LRRTM4: variants seen among roughly 807,000 people sequenced by gnomAD.
LRRTM4 encodes the protein leucine-rich repeat transmembrane neuronal protein 4.
In LRRTM4, 25 loss-of-function variants were observed where a neutral mutation model predicts 47.6. That is an observed-to-expected ratio of 0.53 (90% CI 0.38 to 0.73). LRRTM4 has a LOEUF of 0.73. LRRTM4 is among the 30% of genes least tolerant of loss of function. LRRTM4 has a pLI of 0.00. For synonymous variants in LRRTM4, 311 were observed against 269.5 expected, an observed-to-expected ratio of 1.15 and a Z score of -1.51; for missense variants, 638 against 713.4, an observed-to-expected ratio of 0.89 and a Z score of 1.20.
chr2:76,791,800 G>T (rs865986068), intron 3 of LRRTM4, among the ~76,000 whole-genome samples: 1 of 152,112 alleles, frequency 6.6e-6, no homozygotes, highest in Non-Finnish European at 1.5e-5. Context: ...TACTTATTTT[G>T]CCAACAGTAT....
intron 3 of LRRTM4, among the ~76,000 whole-genome samples, chr2:77,353,535 A>G (rs566577455): frequency 6.6e-6 from 1 of 152,256 alleles, no homozygotes; most frequent in Non-Finnish European, 1.5e-5. Flanking sequence ...ACTGTAATGA[A>G]CATCCTTGCA....
At chr2:77,318,168 C>T (rs939897443) in intron 3 of LRRTM4, among the ~76,000 whole-genome samples, 3 of 151,444 alleles carry the variant, frequency 2.0e-5, no homozygotes, top group Non-Finnish European at 4.4e-5. Flanking sequence ...CACCACGCCC[C>T]GCTAATTTTT....
rs1573495091 is a variant in LRRTM4 at position 77,497,295 on chromosome 2, G to C, written c.1551+21023C>G. ...TTATTGTTTTTCTGCTTTTTATTCT[G>C]TTGATTTCAACTGTGAATTTTATTA... On this transcript the variant is annotated intron_variant, in intron 3 of 3. Transcript: ENST00000409884. Among the ~76,000 whole-genome samples, 4 of 149,968 alleles carry C rather than the reference G, an allele frequency of 2.7e-5. 1 individual carries two copies. The highest frequency in any genetic ancestry group is 2.7e-4 in the Admixed American group (4 of 15,042).
At chr2:77,336,664 A>G (rs1369713990) in intron 3 of LRRTM4, among the ~76,000 whole-genome samples, 1 of 152,180 alleles carries the variant, frequency 6.6e-6, no homozygotes, top group East Asian at 1.9e-4. Context: ...AAAATCTAAT[A>G]TTACTTAATG....
At chr2:77,197,101 A>T (rs1274293067) in intron 3 of LRRTM4, among the ~76,000 whole-genome samples, 1 of 152,132 alleles carries the variant, frequency 6.6e-6, no homozygotes. Flanking sequence ...TTAAATTTGT[A>T]GACTCGTACA....
intron 3 of LRRTM4, among the ~76,000 whole-genome samples, chr2:77,250,771 A>G (rs1675580101): frequency 6.6e-6 from 1 of 152,148 alleles, no homozygotes; most frequent in African/African-American, 2.4e-5. Flanking sequence ...GAAAATGTTC[A>G]CAGATTGTCC....
At chr2:77,220,126 C>T (rs1346530165) in intron 3 of LRRTM4, among the ~76,000 whole-genome samples, 2 of 152,222 alleles carry the variant, frequency 1.3e-5, no homozygotes, top group Non-Finnish European at 2.9e-5. Context: ...CAAACTCCAA[C>T]AGACGTGCAG....
chr2:77,455,955 T>C (rs1397195148), intron 3 of LRRTM4, among the ~76,000 whole-genome samples: 1 of 152,176 alleles, frequency 6.6e-6, no homozygotes, highest in African/African-American at 2.4e-5. Flanking sequence ...TTTTTCCTTA[T>C]TCATTACCTG....
At chr2:76,751,716 T>C (rs753558812) in intron 3 of LRRTM4, among the ~76,000 whole-genome samples, 1 of 152,138 alleles carries the variant, frequency 6.6e-6, no homozygotes, top group Non-Finnish European at 1.5e-5. Flanking sequence ...CATAGGATTT[T>C]TCAGGGTGTC....
rs187648742 is a variant in LRRTM4, at chr2:76,796,046, G to T, written c.1552-47130C>A. Among the ~76,000 whole-genome samples the T allele has an allele frequency of 2.5e-3, 273 of 107,462 alleles. 30 individuals are homozygous for T. The highest frequency in any genetic ancestry group is 0.013 in the African/African-American group (253 of 19,872). The allele number at this position is 107,462 out of a possible 152,430, so 70.5% of individuals were successfully genotyped here. On this transcript the variant is annotated intron_variant, in intron 3 of 3. Coordinates refer to ENST00000409884, the MANE Select transcript of LRRTM4 (RefSeq NM_001134745.3). Reference sequence around the variant, plus strand: ...GAGTTCCCTTTCTGAGTCAAAGAAAGGGGTGATGTACTGCACCTGGAAAAT... The same window carrying T: ...GAGTTCCCTTTCTGAGTCAAAGAAATGGGTGATGTACTGCACCTGGAAAAT...
intron 3 of LRRTM4, among the ~76,000 whole-genome samples, chr2:77,071,972 G>T (rs1331606187): frequency 1.3e-5 from 2 of 152,090 alleles, no homozygotes; most frequent in African/African-American, 2.4e-5. Flanking sequence ...TTTTGACTTG[G>T]TAAGACTCTC....
At chr2:76,930,490 C>A (rs1674735840) in intron 3 of LRRTM4, among the ~76,000 whole-genome samples, 1 of 152,196 alleles carries the variant, frequency 6.6e-6, no homozygotes, top group African/African-American at 2.4e-5. Flanking sequence ...CCTAGAGGCA[C>A]AGAAGTAACC....
At chr2:76,977,419 G>A (rs571131574) in intron 3 of LRRTM4, among the ~76,000 whole-genome samples, 9 of 151,892 alleles carry the variant, frequency 5.9e-5, no homozygotes, top group African/African-American at 2.2e-4. Context: ...TACACAGCAT[G>A]AAAACATTTT....
At chr2:77,099,380 G>C (rs1169296209) in intron 3 of LRRTM4, among the ~76,000 whole-genome samples, 4 of 151,820 alleles carry the variant, frequency 2.6e-5, no homozygotes, top group Non-Finnish European at 5.9e-5. Flanking sequence ...AATATATTCT[G>C]ACTTTATCTT....
chr2:77,109,252 G>A (rs1671183292), intron 3 of LRRTM4, among the ~76,000 whole-genome samples: 1 of 151,926 alleles, frequency 6.6e-6, no homozygotes, highest in Non-Finnish European at 1.5e-5. Flanking sequence ...GAACTACCAG[G>A]GTAAGGAATA....
intron 3 of LRRTM4, among the ~76,000 whole-genome samples, chr2:76,965,306 A>C (rs930180170): frequency 2.0e-5 from 3 of 151,284 alleles, no homozygotes; most frequent in Non-Finnish European, 4.4e-5. Flanking sequence ...TCCTCAACAA[A>C]ATATTAGCAA....
chr2:76,927,958 G>T (rs942228497), intron 3 of LRRTM4, among the ~76,000 whole-genome samples: 1 of 152,116 alleles, frequency 6.6e-6, no homozygotes, highest in East Asian at 1.9e-4. Context: ...TGTTCTTAAA[G>T]CGCAATTACA....
intron 3 of LRRTM4, among the ~76,000 whole-genome samples, chr2:76,797,613 CA>C (rs1369981288): frequency 1.3e-5 from 2 of 150,932 alleles, no homozygotes; most frequent in African/African-American, 4.9e-5. Context: ...TCACACATAA[CA>C]ATATTAACTT....
chr2:76,848,846 G>C (rs370050806), intron 3 of LRRTM4, among the ~76,000 whole-genome samples: 55 of 152,176 alleles, frequency 3.6e-4, no homozygotes, highest in African/African-American at 1.3e-3. Flanking sequence ...GTTAATAGAT[G>C]CTTTTTATTA....
Sources: gnomAD v4.1 joint callset for allele counts (sites outside exome capture counted in the v4.1 genomes callset) on GRCh38, gnomAD v4.1.1 for gene constraint, MANE v1.5 for transcripts, NCBI Gene and HGNC (gene_info 2026-07-23, HGNC 2026-07-21) for gene names.